WDR31: variants seen among roughly 807,000 people sequenced by gnomAD.
WDR31 encodes WD repeat-containing protein 31.
WDR31 carries 30 observed loss-of-function variants against 47.3 expected under a neutral mutation model. The ratio of observed to expected loss-of-function variants is 0.63; its 90% CI spans 0.47 to 0.86. WDR31 has a LOEUF of 0.86. Ranked by LOEUF, WDR31 falls within the 40% of genes least tolerant of loss-of-function variation. WDR31 has a pLI of 0.00. For missense variants in WDR31, 406 were observed against 442.9 expected (o/e 0.92, Z 0.75); for synonymous variants, 137 against 159.4 (o/e 0.86, Z 1.06).
chr9:113,322,431 CCACATGATGTTA>C (rs1160782543), intron 7 of WDR31, among the ~76,000 whole-genome samples: 4 of 152,112 alleles, frequency 2.6e-5, no homozygotes, highest in Admixed American at 1.3e-4. Flanking sequence ...GCTTATTTCT[CCACATGATGTTA>C]CACATATGAA....
Position 113,324,828 on chromosome 9 carries a change from A to ATATGTGTG in WDR31, c.325-1674_325-1673insCACACATA, listed in dbSNP as rs1215834432. The stretch of plus-strand genomic sequence containing the variant: ...ATAAACAATGCTGCTATATATATAT[A>ATATGTGTG]TGTGTGTGTGTGTGTGTGTGTGTGT... On this transcript the variant is annotated intron_variant, in intron 5 of 10. Transcript: ENST00000374193. Among the ~76,000 whole-genome samples the ATATGTGTG allele has an allele frequency of 2.2e-4, 30 of 138,200 alleles. No individual in the cohort carries two copies. In the East Asian group the frequency reaches 2.2e-3, roughly 10 times the overall value. 90.7% of individuals were successfully genotyped at this position (138,200 alleles called of 152,430 possible).
At chr9:113,338,119 A>ATTGTTAACATGCAAT (rs373629285) in intron 1 of WDR31, among the ~76,000 whole-genome samples, 18,806 of 152,240 alleles carry the variant, frequency 0.12, 1,242 homozygotes, top group Non-Finnish European at 0.14. Context: ...AATTATGGTT[A>ATTGTTAACATGCAAT]CTAGCATGAT....
At chr9:113,317,972 C>T (rs1833245370) in intron 10 of WDR31, among the ~76,000 whole-genome samples, 1 of 152,232 alleles carries the variant, frequency 6.6e-6, no homozygotes, top group South Asian at 2.1e-4. Context: ...TGGCTCCATC[C>T]AGCAGATCCA....
At chr9:113,329,928 C>A (rs1358249253) in intron 4 of WDR31, among the ~76,000 whole-genome samples, 2 of 151,856 alleles carry the variant, frequency 1.3e-5, no homozygotes, top group Admixed American at 1.3e-4. Context: ...TTGTGGTGAG[C>A]CGAGATGGCG....
rs180980422 is a variant in WDR31 at position 113,331,915 on chromosome 9, A to G, written c.108T>C (p.Tyr36=). 624 of 1,613,642 alleles carry G rather than the reference A, an allele frequency of 3.9e-4. 8 individuals carry two copies. The Admixed American group carries it at 0.01, about 27-fold the overall frequency. ...KQQSKLKHST[Y]KYGRPDEIIE... ...GGGGAGGATTGCAGTACCCGTATTT[A>G]TAAGTGCTGTGTTTGAGTTTGCTTT... The change falls in exon 3 of 11, where the codon TAT becomes TAC. Residue 36 remains tyrosine, a synonymous_variant. Transcript: ENST00000374193.
chr9:113,334,703 CTTTTTTTT>C (rs71367719), intron 2 of WDR31, among the ~76,000 whole-genome samples: 12 of 63,012 alleles, frequency 1.9e-4, no homozygotes, highest in African/African-American at 7.3e-4. Context: ...CTACATCAGG[CTTTTTTTT>C]TTTTTTTTTT....
chr9:113,337,801 G>A (rs1435762481), intron 1 of WDR31, among the ~76,000 whole-genome samples: 2 of 152,132 alleles, frequency 1.3e-5, no homozygotes. Context: ...TTTTCCATTA[G>A]GGATGCTCAA....
chr9:113,335,639 G>T (rs1833700860), intron 2 of WDR31, among the ~76,000 whole-genome samples: 1 of 152,180 alleles, frequency 6.6e-6, no homozygotes. Context: ...ATTTTGAGAA[G>T]TTGCTAGAAT....
At chr9:113,319,188 C>T (rs1395877852) in intron 9 of WDR31, among the ~76,000 whole-genome samples, 1 of 152,202 alleles carries the variant, frequency 6.6e-6, no homozygotes, top group Non-Finnish European at 1.5e-5. Flanking sequence ...GTCAGTGCTG[C>T]CAGTCCCACT....
chr9:113,329,174 G>A (rs562866053), intron 4 of WDR31, among the ~76,000 whole-genome samples: 3 of 152,208 alleles, frequency 2.0e-5, no homozygotes, highest in African/African-American at 7.2e-5. Context: ...GTCTCCCTCC[G>A]ACACTGGACC....
intron 5 of WDR31, 37 bp from the exon 6 acceptor site, chr9:113,323,192 TG>T: frequency 6.3e-7 from 1 of 1,599,444 alleles, no homozygotes. Flanking sequence ...GAAATAGCTC[TG>T]GTATGCTAGT....
At chr9:113,321,716 G>A (rs901392405) in intron 7 of WDR31, 138 bp from the exon 8 acceptor site, 3 of 769,310 alleles carry the variant, frequency 3.9e-6, no homozygotes, top group Non-Finnish European at 6.4e-6. Context: ...AGGCATCTTA[G>A]GTTTTGCAGA....
In WDR31 at chr9:113,323,213, C is replaced by T. The variant is rs78661827; in HGVS notation, c.325-58G>A. 460 of 1,564,960 alleles carry T rather than the reference C, an allele frequency of 2.9e-4. 1 individual carries two copies. In the African/African-American group the frequency reaches 5.8e-3, roughly 20 times the overall value. On this transcript the variant is annotated intron_variant, in intron 5 of 10. Coordinates refer to ENST00000374193, the MANE Select transcript of WDR31 (RefSeq NM_001012361.4). ...GCTCTGGTATGCTAGTTGGACTGGA[C>T]TTTAAATTGGGGGAAAGATGAGTCT...
Position 113,323,085 on chromosome 9 carries a change from A to G in WDR31, c.395T>C (p.Leu132Ser). 1 of 1,614,204 alleles carries G rather than the reference A, an allele frequency of 6.2e-7. No individual in the cohort carries two copies. The highest frequency in any genetic ancestry group is 8.5e-7 in the Non-Finnish European group (1 of 1,180,040). Residue 132 changes from leucine to serine, a missense_variant, in exon 6 of 11, where the codon TTG becomes TCG. By Grantham distance (145) the Leu-to-Ser change is moderately radical. Transcript: ENST00000374193. Reference protein sequence around the residue: ...SRDRMVMMWDLHGSSQPRQQL... With the variant: ...SRDRMVMMWDSHGSSQPRQQL... ...CTGCCTTGGTTGTGAGGAACCGTGCAAGTCCCACATCATGACCATCCTGTC... is the reference window on the plus strand; with the variant it reads ...CTGCCTTGGTTGTGAGGAACCGTGCGAGTCCCACATCATGACCATCCTGTC...
chr9:113,318,598 A>G lies in WDR31; in HGVS notation c.820T>C (p.Tyr274His). The change falls in exon 10 of 11, where the codon TAT becomes CAT. Residue 274 changes from tyrosine (Y) to histidine (H), a missense_variant. By Grantham distance (83) the Tyr-to-His change is moderately conservative. Transcript: ENST00000374193. ...GCGACAGTCTGGAAATGCCCCTTATACTCACATATTCTGTTTCGAGTCTGT... is the reference window on the plus strand; with the variant it reads ...GCGACAGTCTGGAAATGCCCCTTATGCTCACATATTCTGTTTCGAGTCTGT... ...LRQTRNRICEYKGHFQTVASC... is the reference protein window; with the variant it reads ...LRQTRNRICEHKGHFQTVASC... The G allele has an allele frequency of 6.2e-7, 1 of 1,614,116 alleles. No individual in the cohort carries two copies. Among genetic ancestry groups the G allele is most frequent in the South Asian group, 1.1e-5 (1 of 91,080 alleles).
rs745777801 is a variant in WDR31 at position 113,318,467 on chromosome 9, C to T, written c.943+8G>A. Reference sequence around the variant, plus strand: ...TCTTTTGAGGAGAACTAACAGCAGGCTGCTTACCTCCAGTATCTTGGTTCC... The same window carrying T: ...TCTTTTGAGGAGAACTAACAGCAGGTTGCTTACCTCCAGTATCTTGGTTCC... On this transcript the variant is annotated splice_region_variant and intron_variant, in intron 10 of 10. Coordinates refer to ENST00000374193, the MANE Select transcript of WDR31 (RefSeq NM_001012361.4). The T allele has an allele frequency of 1.2e-6, 2 of 1,614,154 alleles. No homozygotes were observed. The highest frequency in any genetic ancestry group is 1.7e-6 in the Non-Finnish European group (2 of 1,180,004).
intron 2 of WDR31, 89 bp from the exon 3 acceptor site, chr9:113,332,139 A>G: frequency 6.6e-6 from 6 of 915,504 alleles, no homozygotes; most frequent in South Asian, 1.6e-5. Context: ...AGACTAATTA[A>G]TTGTATGCTT....
In WDR31 at chr9:113,319,476, T is replaced by A. The variant is rs558884011; in HGVS notation, c.781-839A>T. Among the ~76,000 whole-genome samples, 14 of 152,242 alleles carry A rather than the reference T, an allele frequency of 9.2e-5. No homozygotes were observed. In the East Asian group the frequency reaches 2.1e-3, roughly 23 times the overall value. The stretch of plus-strand genomic sequence containing the variant: ...AATGGGAATTATAATAGTACCTAAC[T>A]CATGGGGTTGTTTTTAAGGATTAAA... On this transcript the variant is annotated intron_variant, in intron 9 of 10. Coordinates refer to ENST00000374193, the MANE Select transcript of WDR31 (RefSeq NM_001012361.4).
rs1486226713 is a variant in WDR31, at chr9:113,316,776, C to A, written c.1077G>T (p.Leu359=). The A allele has an allele frequency of 6.2e-7, 1 of 1,614,112 alleles. No individual in the cohort carries two copies. The highest frequency in any genetic ancestry group is 1.7e-5 in the Admixed American group (1 of 60,020). ...AGAATGCTGCCACTTCCTGCAGTTC[C>A]AGCCCTTGGCTGTGGTCCATTCTGA... ...HLLRMDHSQG[L]ELQEVAAF The change falls in exon 11 of 11, where the codon CTG becomes CTT. Residue 359 remains leucine (L), a synonymous_variant. Transcript: ENST00000374193.
Sources: allele counts gnomAD v4.1 joint callset (sites outside exome capture counted in the v4.1 genomes callset), GRCh38; gene constraint gnomAD v4.1.1; transcripts MANE v1.5; gene names NCBI Gene and HGNC (gene_info 2026-07-23, HGNC 2026-07-21).